The following PPP2R2B variants were observed in gnomAD, a reference collection of about 807,000 sequenced individuals.
PPP2R2B encodes the protein serine/threonine-protein phosphatase 2A 55 kDa regulatory subunit B beta isoform.
Under a neutral mutation model 46.0 loss-of-function variants are expected in PPP2R2B, and 5 were observed. The ratio of observed to expected loss-of-function variants is 0.11; its 90% CI spans 0.06 to 0.23. The LOEUF (loss-of-function observed/expected upper bound fraction) is 0.23. PPP2R2B is among the 10% of genes least tolerant of loss of function. The probability of loss-of-function intolerance (pLI) is 1.00; values close to 1 mark genes in which losing one functional copy is unlikely to be tolerated. For missense variants in PPP2R2B, 367 were observed against 575.0 expected (o/e 0.64, Z 3.70); for synonymous variants, 215 against 206.7 (o/e 1.04, Z -0.34).
chr5:146,987,480 G>A (rs1056258609), intron 1 of PPP2R2B, among the ~76,000 whole-genome samples: 1 of 152,068 alleles, frequency 6.6e-6, no homozygotes, highest in African/African-American at 2.4e-5. Context: ...AAGACAAAAT[G>A]TAGGGATAAG....
At chr5:146,733,507 A>T (rs1039664325) in intron 2 of PPP2R2B, among the ~76,000 whole-genome samples, 1 of 152,216 alleles carries the variant, frequency 6.6e-6, no homozygotes, top group Non-Finnish European at 1.5e-5. Flanking sequence ...GCTTTCAGTA[A>T]GAAGTATGTG....
intron 7 of PPP2R2B, among the ~76,000 whole-genome samples, chr5:146,629,472 A>G (rs1774280227): frequency 6.6e-6 from 1 of 152,158 alleles, no homozygotes; most frequent in Non-Finnish European, 1.5e-5. Flanking sequence ...CAAAGCCATT[A>G]TCATGTCTCC....
chr5:146,852,168 G>A (rs1417097929), intron 2 of PPP2R2B, among the ~76,000 whole-genome samples: 1 of 152,002 alleles, frequency 6.6e-6, no homozygotes, highest in South Asian at 2.1e-4. Flanking sequence ...TTTGATTAAG[G>A]CTGCAGGCTT....
chr5:147,058,251 C>T (rs1344783928), upstream of PPP2R2B, among the ~76,000 whole-genome samples: 1 of 152,138 alleles, frequency 6.6e-6, no homozygotes, highest in Non-Finnish European at 1.5e-5. Flanking sequence ...TCCTTTACAG[C>T]ACAAATGAAG....
rs114940173 is a variant in PPP2R2B, at chr5:146,689,373, T to A, written c.447+1755A>T. ...CTGGTTCCATAAGATTATAATACTG[T>A]ATTTGTACTGTGTCTTTTCTATGCT... On this transcript the variant is annotated intron_variant, in intron 5 of 9. Transcript: ENST00000394411. Among the ~76,000 whole-genome samples the A allele has an allele frequency of 8.0e-3, 1,215 of 152,338 alleles. 10 individuals carry two copies. The highest frequency in any genetic ancestry group is 0.013 in the Non-Finnish European group (866 of 68,038).
intron 2 of PPP2R2B, among the ~76,000 whole-genome samples, chr5:146,747,035 T>G (rs899445872): frequency 6.6e-6 from 1 of 152,190 alleles, no homozygotes; most frequent in African/African-American, 2.4e-5. Flanking sequence ...CTCAATTTAT[T>G]TCTGTGGCTC....
At chr5:146,969,600 C>T (rs936117543) in intron 1 of PPP2R2B, among the ~76,000 whole-genome samples, 3 of 152,170 alleles carry the variant, frequency 2.0e-5, no homozygotes, top group African/African-American at 4.8e-5. Context: ...CATCCAGGAG[C>T]GAGATGCAGG....
intron 2 of PPP2R2B, among the ~76,000 whole-genome samples, chr5:147,074,665 C>T (rs1393021441): frequency 1.3e-5 from 2 of 151,984 alleles, no homozygotes; most frequent in South Asian, 2.1e-4. Context: ...CTTATAATCT[C>T]GAATTTCTTA....
At chr5:146,798,551 T>C (rs1197100496) in intron 2 of PPP2R2B, among the ~76,000 whole-genome samples, 1 of 152,218 alleles carries the variant, frequency 6.6e-6, no homozygotes, top group African/African-American at 2.4e-5. Context: ...AATGCTATCA[T>C]TTAAATATTA....
chr5:146,825,596 G>A (rs73793293), intron 2 of PPP2R2B, among the ~76,000 whole-genome samples: 3,515 of 152,236 alleles, frequency 0.023, 36 homozygotes, highest in Middle Eastern at 0.044. Flanking sequence ...AAATACTTAT[G>A]GATGGATTGA....
chr5:146,859,778 C>T (rs912136365), intron 2 of PPP2R2B, among the ~76,000 whole-genome samples: 1 of 152,104 alleles, frequency 6.6e-6, no homozygotes, highest in Non-Finnish European at 1.5e-5. Context: ...ACAACATGGG[C>T]TCTTTGGGTT....
intron 2 of PPP2R2B, among the ~76,000 whole-genome samples, chr5:146,820,423 G>A (rs1022379622): frequency 6.6e-6 from 1 of 152,098 alleles, no homozygotes; most frequent in African/African-American, 2.4e-5. Flanking sequence ...AAAAGCAATT[G>A]GCATGGATTC....
chr5:146,656,921 T>C, intron 5 of PPP2R2B, among the ~76,000 whole-genome samples: 1 of 152,138 alleles, frequency 6.6e-6, no homozygotes, highest in East Asian at 1.9e-4. Flanking sequence ...CTCAGGTTCT[T>C]ATTATCTTTC....
chr5:146,854,232 T>C (rs182065936), intron 2 of PPP2R2B, among the ~76,000 whole-genome samples: 11 of 152,292 alleles, frequency 7.2e-5, no homozygotes, highest in African/African-American at 2.6e-4. Flanking sequence ...CTACAAGGCT[T>C]CATGTCTTAT....
At chr5:146,983,837 C>T (rs1753300912) in intron 1 of PPP2R2B, among the ~76,000 whole-genome samples, 2 of 151,196 alleles carry the variant, frequency 1.3e-5, no homozygotes, top group South Asian at 2.1e-4. Context: ...TTTTTTTTCT[C>T]TTTAGAGGAT....
chr5:147,035,481 C>G (rs1299346423), intron 1 of PPP2R2B, among the ~76,000 whole-genome samples: 1 of 152,140 alleles, frequency 6.6e-6, no homozygotes, highest in Non-Finnish European at 1.5e-5. Context: ...AGGTCATTCT[C>G]TCTGAATTCC....
chr5:146,975,642 T>C (rs1752864996), intron 1 of PPP2R2B, among the ~76,000 whole-genome samples: 1 of 152,226 alleles, frequency 6.6e-6, no homozygotes, highest in African/African-American at 2.4e-5. Flanking sequence ...TCCCACATAC[T>C]TACCAACAAT....
intron 1 of PPP2R2B, among the ~76,000 whole-genome samples, chr5:147,014,837 A>G (rs1754921699): frequency 6.6e-6 from 1 of 152,132 alleles, no homozygotes; most frequent in South Asian, 2.1e-4. Context: ...ATACATATGT[A>G]ACTAACCTGC....
chr5:146,673,696 C>T (rs1777520656), intron 5 of PPP2R2B, among the ~76,000 whole-genome samples: 1 of 152,154 alleles, frequency 6.6e-6, no homozygotes, highest in African/African-American at 2.4e-5. Context: ...CCAGAGGCCC[C>T]TCACATGAGA....
Sources: allele counts gnomAD v4.1 joint callset (sites outside exome capture counted in the v4.1 genomes callset), GRCh38; gene constraint gnomAD v4.1.1; transcripts MANE v1.5; gene names NCBI Gene and HGNC (gene_info 2026-07-23, HGNC 2026-07-21).